MRNIP: variants seen among roughly 807,000 people sequenced by gnomAD.
MRNIP encodes MRN complex interacting protein.
In MRNIP, 30 loss-of-function variants were observed where a neutral mutation model predicts 29.8. The ratio of observed to expected loss-of-function variants is 1.01; its 90% CI spans 0.75 to 1.36. The LOEUF (loss-of-function observed/expected upper bound fraction) is 1.36, where lower values mean the gene tolerates loss of function less well. Among genes scored for constraint, MRNIP ranks in the 40% most tolerant of loss-of-function variants. The pLI, the probability that MRNIP is intolerant of heterozygous loss-of-function variation, is 0.00. For missense variants in MRNIP, 459 were observed against 423.5 expected (o/e 1.08, Z -0.74); for synonymous variants, 201 against 164.1 (o/e 1.23, Z -1.72).
At position 179,858,738 on chromosome 5, in the gene MRNIP, G is replaced by T. The variant is rs1400498335; in HGVS notation, c.59C>A (p.Ala20Glu). ...LRCCSCRLFQ[A>E]HQVKKSVKWT... ...GGCTGGCACCCGCCAGACCTGGTGC[G>T]CCTGGAAGAGGCGGCAGCTGCAGCA... Residue 20 changes from alanine to glutamate, a missense_variant, in exon 1 of 7, where the codon GCG becomes GAG. Transcript: ENST00000292586. 1 of 1,524,302 alleles carries T rather than the reference G, an allele frequency of 6.6e-7. No individual in the cohort carries two copies. Among genetic ancestry groups the T allele is most frequent in the Non-Finnish European group, 8.8e-7 (1 of 1,135,176 alleles). 94.4% of individuals were successfully genotyped at this position (1,524,302 alleles called of 1,614,324 possible).
chr5:179,838,030 T>C, intron 6 of MRNIP, 145 bp from the exon 7 acceptor site: 1 of 737,432 alleles, frequency 1.4e-6, no homozygotes, highest in Non-Finnish European at 2.2e-6. Context: ...GCTTTGATTT[T>C]GAGGGTTAGC....
At chr5:179,842,761 G>T (rs543530909) in intron 4 of MRNIP, among the ~76,000 whole-genome samples, 2 of 147,882 alleles carry the variant, frequency 1.4e-5, no homozygotes, top group East Asian at 4.0e-4. Flanking sequence ...GGCCAGGCGC[G>T]GTGGCTCACA....
chr5:179,857,387 G>T (rs1348167417), intron 1 of MRNIP, among the ~76,000 whole-genome samples: 1 of 152,080 alleles, frequency 6.6e-6, no homozygotes, highest in Non-Finnish European at 1.5e-5. Flanking sequence ...CTTGAACCCA[G>T]GAGGCGGAGG....
rs248248 is a variant in MRNIP, at chr5:179,840,949, T to C, written c.460A>G (p.Arg154Gly). Residue 154 changes from arginine to glycine, a missense_variant, in exon 6 of 7, where the codon AGG becomes GGG. By Grantham distance (125) the Arg-to-Gly change is moderately radical. Transcript: ENST00000292586. ...QDLPRKRKWSRSTVQPPCSRG... is the reference protein window; with the variant it reads ...QDLPRKRKWSGSTVQPPCSRG... Reference sequence around the variant, plus strand: ...CTGCACGGAGGCTGGACGGTGCTCCTGCTCCACTTCCTGTCAGGACAGGAC... The same window carrying C: ...CTGCACGGAGGCTGGACGGTGCTCCCGCTCCACTTCCTGTCAGGACAGGAC... 1,170,322 of 1,603,424 alleles carry C rather than the reference T, an allele frequency of 0.73. 430,849 individuals are homozygous for C. The highest frequency in any genetic ancestry group is 0.92 in the African/African-American group (68,957 of 74,806).
At position 179,844,138 on chromosome 5, in the gene MRNIP, G is replaced by A. The variant is rs1403461755; in HGVS notation, c.291+14C>T. 6.2e-7 allele frequency: 1 copy of A among 1,611,840 alleles called. No homozygotes were observed. Among genetic ancestry groups the A allele is most frequent in the East Asian group, 2.2e-5 (1 of 44,868 alleles). On this transcript the variant is annotated intron_variant, in intron 4 of 6. Coordinates refer to ENST00000292586, the MANE Select transcript of MRNIP (RefSeq NM_016175.4). ...ACACAGAGCCAGCCTGGGGCAGGTG[G>A]GCCTGAGGCTTACCTGCTGCTTCAC...
intron 1 of MRNIP, among the ~76,000 whole-genome samples, chr5:179,856,628 A>C (rs966199247): frequency 2.0e-5 from 3 of 152,048 alleles, no homozygotes; most frequent in African/African-American, 7.2e-5. Flanking sequence ...GCGCCACTAC[A>C]TCTAGCTATT....
intron 1 of MRNIP, among the ~76,000 whole-genome samples, chr5:179,858,025 A>AAAAAAG (rs889628189): frequency 2.8e-5 from 4 of 143,282 alleles, no homozygotes; most frequent in Non-Finnish European, 4.6e-5. Flanking sequence ...AAAAAAAAAA[A>AAAAAAG]AAGAAGAAGA....
At position 179,844,192 on chromosome 5, in the gene MRNIP, T is replaced by G. The variant is rs1178397722; in HGVS notation, c.251A>C (p.Glu84Ala). ...LEETVSASEE[E>A]NVGHQQAGNV... Reference sequence around the variant, plus strand: ...CCCAGCCTGCTGGTGTCCCACGTTTTCTTCTTCACTGGCACTGACAGTTTC... The same window carrying G: ...CCCAGCCTGCTGGTGTCCCACGTTTGCTTCTTCACTGGCACTGACAGTTTC... The change falls in exon 4 of 7, where the codon GAA (glutamate) becomes GCA (alanine). Residue 84 changes from glutamate to alanine, a missense_variant. Coordinates refer to ENST00000292586, the MANE Select transcript of MRNIP (RefSeq NM_016175.4). The G allele has an allele frequency of 6.2e-7, 1 of 1,614,168 alleles. No homozygotes were observed. Among genetic ancestry groups the G allele is most frequent in the African/African-American group, 1.3e-5 (1 of 75,036 alleles).
chr5:179,851,460 T>C (rs1055468072), intron 2 of MRNIP: 9 of 455,404 alleles, frequency 2.0e-5, no homozygotes, highest in Admixed American at 4.7e-5. Flanking sequence ...GAGGAGAAAA[T>C]AGAGTAAAGA....
In MRNIP at chr5:179,837,811, A is replaced by G; in HGVS notation, c.612T>C (p.Ser204=). 6.2e-7 allele frequency: 1 copy of G among 1,613,772 alleles called. No homozygotes were observed. Among genetic ancestry groups the G allele is most frequent in the Non-Finnish European group, 8.5e-7 (1 of 1,180,038 alleles). Residue 204 remains serine (S), a synonymous_variant, in exon 7 of 7, where the codon AGT becomes AGC. Coordinates refer to ENST00000292586, the MANE Select transcript of MRNIP (RefSeq NM_016175.4). ...TCCCAGGACCCCTCAGCTCCCCGGCACTGCAGTCTGCAGAGTTCTCCTGGA... is the reference window on the plus strand; with the variant it reads ...TCCCAGGACCCCTCAGCTCCCCGGCGCTGCAGTCTGCAGAGTTCTCCTGGA... ...PCLQENSADC[S]AGELRGPGKE...
intron 3 of MRNIP, chr5:179,846,240 C>T (rs946999145): frequency 2.6e-5 from 4 of 151,732 alleles, no homozygotes; most frequent in African/African-American, 9.7e-5. Context: ...ATTTTAAACT[C>T]CTGAGTATAT....
intron 6 of MRNIP, chr5:179,838,108 C>G (rs1430420994): frequency 3.4e-6 from 2 of 589,284 alleles, no homozygotes; most frequent in Admixed American, 3.0e-5. Flanking sequence ...ACCAGGCTTT[C>G]CAAAAACAAG....
chr5:179,855,033 A>C (rs1759520378), intron 1 of MRNIP, among the ~76,000 whole-genome samples: 2 of 152,234 alleles, frequency 1.3e-5, no homozygotes, highest in Admixed American at 6.5e-5. Flanking sequence ...AAAGGAGCGG[A>C]AAACCCTATC....
Position 179,843,041 on chromosome 5 carries a change from A to AGAAGAG in MRNIP, c.292-978_292-977insCTCTTC, listed in dbSNP as rs1554093091. Among the ~76,000 whole-genome samples, 32 of 106,292 alleles carry AGAAGAG rather than the reference A, an allele frequency of 3.0e-4. No individual in the cohort carries two copies. In the East Asian group the frequency reaches 4.8e-3, roughly 16 times the overall value. 69.7% of individuals were successfully genotyped at this position (106,292 alleles called of 152,430 possible). On this transcript the variant is annotated intron_variant, in intron 4 of 6. Coordinates refer to ENST00000292586, the MANE Select transcript of MRNIP (RefSeq NM_016175.4). ...AGCGAGACTCTGTCGAAAGGAGGAA[A>AGAAGAG]GAAGGAAGGAAGGAAGGAAGGGAGG...
chr5:179,837,323 A>T lies in MRNIP; in HGVS notation c.*68T>A, dbSNP rs1418203902. ...TAATGGTTCTTACAGAGTATCTTTA[A>T]AAGTGCCTTAGGGGAACCCTGTCCC... On this transcript the variant is annotated 3_prime_UTR_variant, in exon 7 of 7. Transcript: ENST00000292586. 6.3e-7 allele frequency: 1 copy of T among 1,589,474 alleles called. No individual in the cohort carries two copies. The highest frequency in any genetic ancestry group is 1.7e-5 in the Admixed American group (1 of 57,192).
At chr5:179,857,735 G>T (rs1408029271) in intron 1 of MRNIP, among the ~76,000 whole-genome samples, 1 of 152,070 alleles carries the variant, frequency 6.6e-6, no homozygotes, top group Admixed American at 6.6e-5. Context: ...GATCCACGCC[G>T]GGCACAATGG....
At chr5:179,853,315 G>C in intron 2 of MRNIP, 63 bp downstream of exon 2, 1 of 1,605,432 alleles carries the variant, frequency 6.2e-7, no homozygotes, top group Non-Finnish European at 8.5e-7. Flanking sequence ...GGCATGCTGG[G>C]ACTCCCTGGA....
Sources: gnomAD v4.1 joint callset for allele counts (sites outside exome capture counted in the v4.1 genomes callset) on GRCh38, gnomAD v4.1.1 for gene constraint, MANE v1.5 for transcripts, NCBI Gene and HGNC (gene_info 2026-07-23, HGNC 2026-07-21) for gene names.